MAP6D1: variants seen among roughly 807,000 people sequenced by gnomAD.
The protein encoded by MAP6D1 is MAP6 domain containing 1.
Under a neutral mutation model 17.4 loss-of-function variants are expected in MAP6D1, and 13 were observed. The ratio of observed to expected loss-of-function variants is 0.75; its 90% CI spans 0.49 to 1.19. MAP6D1 has a LOEUF of 1.19. Among genes scored for constraint, MAP6D1 ranks in the 50% most tolerant of loss-of-function variants. The pLI is 0.00. For synonymous variants in MAP6D1, 141 were observed against 145.7 expected (o/e 0.97, Z 0.23); for missense variants, 313 against 312.6 (o/e 1.00, Z -0.01).
chr3:183,820,969 C>T (rs1056872503), intron 1 of MAP6D1, among the ~76,000 whole-genome samples: 1 of 151,464 alleles, frequency 6.6e-6, no homozygotes, highest in African/African-American at 2.4e-5. Flanking sequence ...GTGGTGGGCG[C>T]CTGTAGTCCC....
intron 1 of MAP6D1, among the ~76,000 whole-genome samples, chr3:183,821,561 T>G (rs944621582): frequency 6.7e-6 from 1 of 150,196 alleles, no homozygotes; most frequent in Non-Finnish European, 1.5e-5. Context: ...TTTTTTTTTT[T>G]TTGAGATGGA....
chr3:183,821,808 G>T (rs1351794527), intron 1 of MAP6D1, among the ~76,000 whole-genome samples: 4 of 152,066 alleles, frequency 2.6e-5, no homozygotes, highest in South Asian at 4.2e-4. Flanking sequence ...GGTTATAGGG[G>T]TGAGCCACCA....
Position 183,825,214 on chromosome 3 carries a change from C to G in MAP6D1, c.334G>C (p.Ala112Pro), listed in dbSNP as rs970981446. ...AQSSAPPAPG[A>P]RGVYVLPIGD... Reference sequence around the variant, plus strand: ...ATGGGCAGCACGTAGACCCCGCGGGCGCCGGGCGCAGGTGGCGCGGAGGAC... The same window carrying G: ...ATGGGCAGCACGTAGACCCCGCGGGGGCCGGGCGCAGGTGGCGCGGAGGAC... Residue 112 changes from alanine to proline, a missense_variant, in exon 1 of 3, where the codon GCC becomes CCC. By Grantham distance (27) the Ala-to-Pro change is conservative. Coordinates refer to ENST00000318631, the MANE Select transcript of MAP6D1 (RefSeq NM_024871.4). 1.5e-5 allele frequency: 22 copies of G among 1,435,286 alleles called. No individual in the cohort carries two copies. The African/African-American group carries it at 1.8e-4, about 12-fold the overall frequency. 88.9% of individuals were successfully genotyped at this position (1,435,286 alleles called of 1,614,324 possible). A position where few individuals can be genotyped will look rare whatever the true frequency, so the allele number is the denominator to read the frequency against.
chr3:183,817,373 G>T lies in MAP6D1; in HGVS notation c.583C>A (p.Arg195=). 1.3e-6 allele frequency: 2 copies of T among 1,569,030 alleles called. No homozygotes were observed. The highest frequency in any genetic ancestry group is 2.3e-5 in the East Asian group (1 of 42,824). ...PSAIFQASAP[R]ILNV ...GCAGGCAGTCACACGTTGAGAATCCGGGGAGCTGAGGCCTGAAAGATGGCG... is the reference window on the plus strand; with the variant it reads ...GCAGGCAGTCACACGTTGAGAATCCTGGGAGCTGAGGCCTGAAAGATGGCG... The change falls in exon 3 of 3, where the codon CGG becomes AGG. Residue 195 remains arginine (R), a synonymous_variant. Transcript: ENST00000318631.
chr3:183,818,245 T>A (rs1727165623), intron 1 of MAP6D1, 134 bp from the exon 2 acceptor site: 5 of 731,460 alleles, frequency 6.8e-6, no homozygotes, highest in African/African-American at 1.8e-5. Context: ...GTCCTCATCA[T>A]CTTCCCAAAG....
rs1215842445 is a variant in MAP6D1, at chr3:183,817,141, C to T, written c.*215G>A. 5.4e-6 allele frequency: 3 copies of T among 555,846 alleles called. No homozygotes were observed. Among genetic ancestry groups the T allele is most frequent in the Non-Finnish European group, 9.7e-6 (3 of 309,182 alleles). 34.4% of individuals were successfully genotyped at this position (555,846 alleles called of 1,614,324 possible). ...AACGAACGCAGGAGCCTTCCACAGG[C>T]TTCTCAAGAGGATGCTTGAGGCTGA... On this transcript the variant is annotated 3_prime_UTR_variant, in exon 3 of 3. Coordinates refer to ENST00000318631, the MANE Select transcript of MAP6D1 (RefSeq NM_024871.4).
chr3:183,825,108 C>A, intron 1 of MAP6D1, 39 bp downstream of exon 1: 1 of 1,340,174 alleles, frequency 7.5e-7, no homozygotes, highest in Non-Finnish European at 9.6e-7. Context: ...CCTCCCACCA[C>A]AGGGTGGGGA....
intron 2 of MAP6D1, 133 bp from the exon 3 acceptor site, chr3:183,817,569 A>G: frequency 2.6e-6 from 2 of 779,760 alleles, no homozygotes; most frequent in Non-Finnish European, 2.0e-6. Context: ...GAAGGGTCAG[A>G]GGGGACTTGC....
intron 1 of MAP6D1, among the ~76,000 whole-genome samples, 183 bp downstream of exon 1, chr3:183,824,964 C>A (rs1296252251): frequency 6.6e-6 from 1 of 152,246 alleles, no homozygotes; most frequent in Non-Finnish European, 1.5e-5. Flanking sequence ...AGCGAAGGCG[C>A]CGCCTGCAGT....
intron 1 of MAP6D1, 33 bp downstream of exon 1, chr3:183,825,114 G>T: frequency 7.3e-7 from 1 of 1,362,386 alleles, no homozygotes; most frequent in South Asian, 1.8e-5. Flanking sequence ...ACCACAGGGT[G>T]GGGACTCGTT....
At chr3:183,823,852 G>A (rs1727313009) in intron 1 of MAP6D1, among the ~76,000 whole-genome samples, 1 of 152,078 alleles carries the variant, frequency 6.6e-6, no homozygotes, top group African/African-American at 2.4e-5. Context: ...AAAAGCAATC[G>A]TTCAAAAGAG....
At chr3:183,819,233 G>A (rs1399950184) in intron 1 of MAP6D1, among the ~76,000 whole-genome samples, 1 of 152,280 alleles carries the variant, frequency 6.6e-6, no homozygotes, top group Non-Finnish European at 1.5e-5. Flanking sequence ...TCCATGGCCA[G>A]CACTGGGGTG....
At chr3:183,821,758 G>C (rs919005473) in intron 1 of MAP6D1, among the ~76,000 whole-genome samples, 1 of 151,900 alleles carries the variant, frequency 6.6e-6, no homozygotes, top group Non-Finnish European at 1.5e-5. Context: ...GGCTGGTCTC[G>C]AACTTGGGAT....
rs62285797 is a variant in MAP6D1 at position 183,817,375 on chromosome 3, G to A, written c.581C>T (p.Pro194Leu). The change falls in exon 3 of 3, where the codon CCC becomes CTC. Residue 194 changes from proline (P) to leucine (L), a missense_variant. By Grantham distance (98) the Pro-to-Leu change is moderately conservative. Transcript: ENST00000318631. ...AGGCAGTCACACGTTGAGAATCCGG[G>A]GAGCTGAGGCCTGAAAGATGGCGGA... ...NPSAIFQASA[P>L]RILNV The A allele has an allele frequency of 4.5e-6, 7 of 1,569,830 alleles. No individual in the cohort carries two copies. The Admixed American group carries it at 1.1e-4, about 25-fold the overall frequency.
Position 183,825,419 on chromosome 3 carries a change from C to T in MAP6D1, c.129G>A (p.Thr43=), listed in dbSNP as rs1379539219. ...GGCCCCTGCGCGAGGCGGCGCCGCC[C>T]GTGCCCGGCTCCTCGCTGTCGAGGT... ...YSDLDSEEPG[T]GGAASRRGQP... Residue 43 remains threonine, a synonymous_variant, in exon 1 of 3, where the codon ACG becomes ACA. Transcript: ENST00000318631. The T allele has an allele frequency of 1.4e-6, 2 of 1,439,028 alleles. No homozygotes were observed. The highest frequency in any genetic ancestry group is 3.1e-5 in the East Asian group (1 of 32,618). 89.1% of individuals were successfully genotyped at this position (1,439,028 alleles called of 1,614,324 possible).
intron 2 of MAP6D1, 70 bp from the exon 3 acceptor site, chr3:183,817,506 G>T: frequency 7.2e-7 from 1 of 1,390,068 alleles, no homozygotes; most frequent in South Asian, 1.3e-5. Flanking sequence ...CCACTACCCA[G>T]CTCCAGGAAA....
chr3:183,825,288 G>C lies in MAP6D1; in HGVS notation c.260C>G (p.Pro87Arg). Reference protein sequence around the residue: ...TTPAGPKDPPPGRGPGAGGRR... With the variant: ...TTPAGPKDPPRGRGPGAGGRR... ...GCCGCCCGCCCCCGGTCCGCGCCCC[G>C]GCGGCGGATCCTTGGGCCCGGCGGG... The change falls in exon 1 of 3, where the codon CCG (proline) becomes CGG (arginine). Residue 87 changes from proline to arginine, a missense_variant. Pro to Arg is a moderately radical substitution (Grantham distance 103, BLOSUM62 -2). Coordinates refer to ENST00000318631, the MANE Select transcript of MAP6D1 (RefSeq NM_024871.4). 1.5e-6 allele frequency: 2 copies of C among 1,335,838 alleles called. No individual in the cohort carries two copies. The highest frequency in any genetic ancestry group is 1.9e-6 in the Non-Finnish European group (2 of 1,045,054). The allele number at this position is 1,335,838 out of a possible 1,614,324, so 82.7% of individuals were successfully genotyped here.
intron 1 of MAP6D1, 64 bp downstream of exon 1, chr3:183,825,083 T>C: frequency 7.7e-7 from 1 of 1,294,668 alleles, no homozygotes; most frequent in Non-Finnish European, 9.9e-7. Context: ...TCCCTCTGGC[T>C]CCGGGCCTCC....
intron 1 of MAP6D1, among the ~76,000 whole-genome samples, chr3:183,822,754 A>T (rs1485007429): frequency 6.6e-6 from 1 of 152,212 alleles, no homozygotes; most frequent in Non-Finnish European, 1.5e-5. Context: ...CTCAGGCCCT[A>T]GACTAGCCAG....
Sources: gnomAD v4.1 joint callset for allele counts (sites outside exome capture counted in the v4.1 genomes callset) on GRCh38, gnomAD v4.1.1 for gene constraint, MANE v1.5 for transcripts, NCBI Gene and HGNC (gene_info 2026-07-23, HGNC 2026-07-21) for gene names.